Variants in ZNF468 observed in about 807,000 individuals in gnomAD.
ZNF468 encodes zinc finger protein 468.
In ZNF468, 8 loss-of-function variants were observed where a neutral mutation model predicts 7.2. The ratio of observed to expected loss-of-function variants is 1.11; its 90% CI spans 0.65 to 2.01. The LOEUF is 2.01. Among genes scored for constraint, ZNF468 ranks in the 30% most tolerant of loss-of-function variants. The pLI, the probability that ZNF468 is intolerant of heterozygous loss-of-function variation, is 0.00. For synonymous variants in ZNF468, 218 were observed against 214.4 expected, an observed-to-expected ratio of 1.02 and a Z score of -0.15; for missense variants, 608 against 626.5, an observed-to-expected ratio of 0.97 and a Z score of 0.31.
Position 52,840,515 on chromosome 19 carries a change from G to C in ZNF468, c.*210C>G. 9.6e-7 allele frequency: 1 copy of C among 1,041,434 alleles called. No individual in the cohort carries two copies. Among genetic ancestry groups the C allele is most frequent in the East Asian group, 2.4e-5 (1 of 41,376 alleles). The allele number at this position is 1,041,434 out of a possible 1,614,324, so 64.5% of individuals were successfully genotyped here. On this transcript the variant is annotated 3_prime_UTR_variant, in exon 4 of 4. Transcript: ENST00000595646. ...TGTGAATTTTCTTATGTGTTTTAAG[G>C]TTTGATTTACAACTGAAAACTTTTG... is the stretch of plus-strand genomic sequence containing the variant.
intron 2 of ZNF468, chr19:52,849,455 C>A: frequency 1.3e-6 from 1 of 784,118 alleles, no homozygotes; most frequent in Non-Finnish European, 1.8e-6. Context: ...CAGAAATAAA[C>A]AAATAAAAAA....
At chr19:52,846,759 T>C (rs945362438) in intron 3 of ZNF468, 1 of 152,200 alleles carries the variant, frequency 6.6e-6, no homozygotes, top group Non-Finnish European at 1.5e-5. Flanking sequence ...CTCAGCACTT[T>C]GGGAATCCGA....
chr19:52,841,375 C>T lies in ZNF468; in HGVS notation c.919G>A (p.Val307Ile), dbSNP rs2063297858. Residue 307 changes from valine to isoleucine, a missense_variant, in exon 4 of 4, where the codon GTT becomes ATT. By Grantham distance (29) the Val-to-Ile change is conservative. Coordinates refer to ENST00000595646, the MANE Select transcript of ZNF468 (RefSeq NM_001008801.2). ...KPYECEECDK[V>I]FSRKSHLERH... ...TCAAGGTGTGATTTGCGACTGAAAA[C>T]TTTGTCACATTCTTCACATTCATAA... 3.1e-6 allele frequency: 5 copies of T among 1,614,020 alleles called. No individual in the cohort carries two copies. Among genetic ancestry groups the T allele is most frequent in the Non-Finnish European group, 3.4e-6 (4 of 1,179,972 alleles).
In ZNF468 at chr19:52,839,716, C is replaced by T. The variant is rs557874263; in HGVS notation, c.*1009G>A. 358 of 528,692 alleles carry T rather than the reference C, an allele frequency of 6.8e-4. No individual in the cohort carries two copies. The highest frequency in any genetic ancestry group is 1.2e-3 in the Non-Finnish European group (326 of 261,172). The allele number at this position is 528,692 out of a possible 1,614,324, so 32.8% of individuals were successfully genotyped here. On this transcript the variant is annotated 3_prime_UTR_variant, in exon 4 of 4. Transcript: ENST00000595646. ...TCATCACACTTGTGAGGTTTCTCTC[C>T]TGTATGAATCCTCCTATGTTTTGCA...
intron 3 of ZNF468, among the ~76,000 whole-genome samples, chr19:52,843,191 T>C (rs1408923771): frequency 6.6e-6 from 1 of 151,680 alleles, no homozygotes; most frequent in East Asian, 1.9e-4. Context: ...AAATTACCTA[T>C]ATCCATGTGG....
rs377190930 is a variant in ZNF468 at position 52,850,767 on chromosome 19, C to T, written c.16-1554G>A. ...ACAAAAAATTAGCCGGGCGTGGTGG[C>T]GGGCGCCTGTAGTCCCAGCTACTCG... On this transcript the variant is annotated intron_variant, in intron 2 of 3. Transcript: ENST00000595646. Among the ~76,000 whole-genome samples the T allele has an allele frequency of 2.0e-3, 306 of 149,580 alleles. 3 individuals are homozygous for T. Among genetic ancestry groups the T allele is most frequent in the East Asian group, 8.9e-3 (45 of 5,062 alleles).
At chr19:52,849,381 TAC>T (rs1272988154) in intron 2 of ZNF468, 168 bp from the exon 3 acceptor site, 1 of 1,359,806 alleles carries the variant, frequency 7.4e-7, no homozygotes, top group African/African-American at 1.5e-5. Flanking sequence ...TGTATTTTAT[TAC>T]ACTTTTTGAG....
intron 2 of ZNF468, among the ~76,000 whole-genome samples, chr19:52,851,306 G>A (rs2063388275): frequency 6.6e-6 from 1 of 151,702 alleles, no homozygotes; most frequent in Non-Finnish European, 1.5e-5. Flanking sequence ...GCTGGGTGAG[G>A]TGGCTCACGC....
At position 52,840,604 on chromosome 19, in the gene ZNF468, GC is replaced by G; in HGVS notation, c.*120del. 6.6e-7 allele frequency: 1 copy of G among 1,504,886 alleles called. No individual in the cohort carries two copies. Among genetic ancestry groups the G allele is most frequent in the Non-Finnish European group, 9.2e-7 (1 of 1,082,024 alleles). 93.2% of individuals were successfully genotyped at this position (1,504,886 alleles called of 1,614,324 possible). Reference sequence around the variant, plus strand: ...AAGTCTATGGTGATGTGCAAAGGTTGCTTTTTGATTAAAAACCTTGCCACAT... The same window carrying G: ...AAGTCTATGGTGATGTGCAAAGGTTGTTTTTGATTAAAAACCTTGCCACAT... On this transcript the variant is annotated 3_prime_UTR_variant, in exon 4 of 4. Coordinates refer to ENST00000595646, the MANE Select transcript of ZNF468 (RefSeq NM_001008801.2).
intron 1 of ZNF468, among the ~76,000 whole-genome samples, chr19:52,857,292 C>A (rs536043778): frequency 4.3e-4 from 65 of 152,282 alleles, no homozygotes; most frequent in Admixed American, 1.9e-3. Flanking sequence ...TAAAAAGAGC[C>A]GTGCGGAAGG....
chr19:52,855,211 T>C (rs74176168), intron 1 of ZNF468, among the ~76,000 whole-genome samples: 8 of 149,000 alleles, frequency 5.4e-5, no homozygotes, highest in South Asian at 2.1e-4. Context: ...TCTGATGGGA[T>C]TGACACAGAG....
intron 3 of ZNF468, among the ~76,000 whole-genome samples, chr19:52,843,120 C>CA (rs11356842): frequency 0.025 from 1,693 of 67,616 alleles, 29 homozygotes; most frequent in East Asian, 0.037. Context: ...GACTCTGTCT[C>CA]AAAAAAAAAA....
chr19:52,840,938 T>C lies in ZNF468; in HGVS notation c.1356A>G (p.Ser452=). ...GAACTCTCTGATGTTGTGCCAGGTG[T>C]GAATCCCTCTGGAAAGCCTTGTCAC... ...KVCDKAFQRD[S]HLAQHQRVHT... Residue 452 remains serine (S), a synonymous_variant, in exon 4 of 4, where the codon TCA becomes TCG. Coordinates refer to ENST00000595646, the MANE Select transcript of ZNF468 (RefSeq NM_001008801.2). The C allele has an allele frequency of 1.9e-6, 3 of 1,614,036 alleles. No individual in the cohort carries two copies. In the Admixed American group the frequency reaches 5.0e-5, roughly 27 times the overall value.
Position 52,850,932 on chromosome 19 carries a change from T to TAC in ZNF468, c.16-1721_16-1720dup, listed in dbSNP as rs556251557. Among the ~76,000 whole-genome samples, 984 of 150,676 alleles carry TAC rather than the reference T, an allele frequency of 6.5e-3. 9 individuals carry two copies. Among genetic ancestry groups the TAC allele is most frequent in the African/African-American group, 0.023 (928 of 41,084 alleles). ...AAATAATAATAAATATATATATATA[T>TAC]ACACACACACATCATGTGATGATAA... On this transcript the variant is annotated intron_variant, in intron 2 of 3. Coordinates refer to ENST00000595646, the MANE Select transcript of ZNF468 (RefSeq NM_001008801.2).
At chr19:52,850,886 G>A (rs113065616) in intron 2 of ZNF468, among the ~76,000 whole-genome samples, 65,421 of 150,154 alleles carry the variant, frequency 0.44, 14,423 homozygotes, top group South Asian at 0.61. Flanking sequence ...GCGACAGAGC[G>A]AGACTCCGTC....
At chr19:52,855,420 CA>C (rs1462860971) in intron 1 of ZNF468, among the ~76,000 whole-genome samples, 1 of 152,214 alleles carries the variant, frequency 6.6e-6, no homozygotes, top group Non-Finnish European at 1.5e-5. Context: ...AAGAGAAAAG[CA>C]AATGTGACTG....
At chr19:52,850,007 C>T (rs1156997377) in intron 2 of ZNF468, among the ~76,000 whole-genome samples, 1 of 152,072 alleles carries the variant, frequency 6.6e-6, no homozygotes, top group African/African-American at 2.4e-5. Context: ...TCACAAAACA[C>T]TAGATGTGAA....
rs2063276537 is a variant in ZNF468, at chr19:52,839,519, A to G, written c.*1206T>C. On this transcript the variant is annotated 3_prime_UTR_variant, in exon 4 of 4. Coordinates refer to ENST00000595646, the MANE Select transcript of ZNF468 (RefSeq NM_001008801.2). Reference sequence around the variant, plus strand: ...GTCAATTAATGCTTGATGGTTTGCTATACTCACTGCATTTGAAACAACTGT... The same window carrying G: ...GTCAATTAATGCTTGATGGTTTGCTGTACTCACTGCATTTGAAACAACTGT... 6.2e-6 allele frequency: 3 copies of G among 485,222 alleles called. No individual in the cohort carries two copies. Among genetic ancestry groups the G allele is most frequent in the Non-Finnish European group, 8.3e-6 (2 of 242,178 alleles). The allele number at this position is 485,222 out of a possible 1,614,324, so 30.1% of individuals were successfully genotyped here.
In ZNF468 at chr19:52,849,158, C is replaced by G. The variant is rs771755626; in HGVS notation, c.71G>C (p.Cys24Ser). 7 of 1,613,978 alleles carry G rather than the reference C, an allele frequency of 4.3e-6. No individual in the cohort carries two copies. Among genetic ancestry groups the G allele is most frequent in the Non-Finnish European group, 5.9e-6 (7 of 1,179,930 alleles). ...AIEFSQEEWK[C>S]LDPAQRTLYR... The stretch of plus-strand genomic sequence containing the variant: ...TAAAGTCCTCTGAGCAGGGTCCAGG[C>G]ATTTCCACTCCTCCTGAGAGAATTC... Residue 24 changes from cysteine (C) to serine (S), a missense_variant, in exon 3 of 4, where the codon TGC (cysteine) becomes TCC (serine). By Grantham distance (112) the Cys-to-Ser change is moderately radical. Coordinates refer to ENST00000595646, the MANE Select transcript of ZNF468 (RefSeq NM_001008801.2).
Sources: gnomAD v4.1 joint callset for allele counts (sites outside exome capture counted in the v4.1 genomes callset) on GRCh38, gnomAD v4.1.1 for gene constraint, MANE v1.5 for transcripts, NCBI Gene and HGNC (gene_info 2026-07-23, HGNC 2026-07-21) for gene names.